The following ENOX1 variants were observed in gnomAD, a reference collection of about 807,000 sequenced individuals.
ENOX1 encodes the protein candidate growth-related and time keeping constitutive hydroquinone (NADH) oxidase.
Under a neutral mutation model 82.5 loss-of-function variants are expected in ENOX1, and 42 were observed. The ratio of observed to expected loss-of-function variants is 0.51; its 90% CI spans 0.40 to 0.66. The LOEUF (loss-of-function observed/expected upper bound fraction) is 0.66. ENOX1 is among the 30% of genes least tolerant of loss of function. The pLI, the probability that ENOX1 is intolerant of heterozygous loss-of-function variation, is 0.00. For missense variants in ENOX1, 608 were observed against 811.6 expected, an observed-to-expected ratio of 0.75 and a Z score of 3.05; for synonymous variants, 271 against 282.2, an observed-to-expected ratio of 0.96 and a Z score of 0.40.
chr13:43,329,035 A>G (rs1169684483), intron 9 of ENOX1, among the ~76,000 whole-genome samples: 1 of 152,260 alleles, frequency 6.6e-6, no homozygotes, highest in Non-Finnish European at 1.5e-5. Context: ...CTAAGTAGAT[A>G]GGTGGCATTA....
chr13:43,408,672 G>GAA (rs2053942559), intron 5 of ENOX1, among the ~76,000 whole-genome samples: 1 of 152,132 alleles, frequency 6.6e-6, no homozygotes, highest in African/African-American at 2.4e-5. Context: ...AAGGGCATCA[G>GAA]ATATGTCATG....
intron 2 of ENOX1, among the ~76,000 whole-genome samples, chr13:43,636,910 G>A (rs1012255790): frequency 9.2e-5 from 14 of 152,152 alleles, no homozygotes; most frequent in African/African-American, 3.4e-4. Flanking sequence ...AGTGCACTAG[G>A]GAAAACAGGA....
chr13:43,366,663 A>G (rs1289112865), intron 5 of ENOX1, among the ~76,000 whole-genome samples: 2 of 152,198 alleles, frequency 1.3e-5, no homozygotes, highest in African/African-American at 4.8e-5. Context: ...ACTGGTCTTC[A>G]TGGTCATCCA....
At chr13:43,711,841 G>T (rs1213618169) in intron 1 of ENOX1, among the ~76,000 whole-genome samples, 1 of 149,686 alleles carries the variant, frequency 6.7e-6, no homozygotes, top group African/African-American at 2.5e-5. Context: ...AGATGAGTAG[G>T]TTGTGAAAAT....
intron 14 of ENOX1, among the ~76,000 whole-genome samples, chr13:43,256,951 T>C (rs141720932): frequency 5.3e-5 from 8 of 152,322 alleles, no homozygotes; most frequent in East Asian, 1.9e-4. Context: ...TATATATATA[T>C]ACACACAATG....
At chr13:43,503,109 T>A (rs2077038837) in intron 2 of ENOX1, among the ~76,000 whole-genome samples, 2 of 151,608 alleles carry the variant, frequency 1.3e-5, no homozygotes, top group Admixed American at 1.3e-4. Flanking sequence ...AACAATCCCA[T>A]GTACAACTGC....
intron 9 of ENOX1, among the ~76,000 whole-genome samples, chr13:43,335,873 C>T (rs2048678196): frequency 6.6e-6 from 1 of 151,822 alleles, no homozygotes; most frequent in Non-Finnish European, 1.5e-5. Context: ...ACATTCTGTG[C>T]TCATCCTTGA....
intron 2 of ENOX1, among the ~76,000 whole-genome samples, chr13:43,603,083 G>A (rs2081799401): frequency 1.3e-5 from 2 of 152,120 alleles, no homozygotes; most frequent in South Asian, 4.1e-4. Flanking sequence ...GAAGATGATG[G>A]AAATCATCCA....
At chr13:43,599,275 C>A (rs1030023338) in intron 2 of ENOX1, among the ~76,000 whole-genome samples, 21 of 152,162 alleles carry the variant, frequency 1.4e-4, no homozygotes, top group African/African-American at 4.8e-4. Context: ...ATATAAAAGA[C>A]AATATTGAAT....
At chr13:43,778,323 C>T (rs1468096973) in intron 1 of ENOX1, among the ~76,000 whole-genome samples, 2 of 152,148 alleles carry the variant, frequency 1.3e-5, no homozygotes, top group Non-Finnish European at 2.9e-5. Context: ...CTCTCTTTAC[C>T]CCTTTATCCC....
chr13:43,497,250 T>C (rs1050257899), intron 2 of ENOX1, among the ~76,000 whole-genome samples: 11 of 152,282 alleles, frequency 7.2e-5, no homozygotes, highest in African/African-American at 2.2e-4. Context: ...CCAATCTATA[T>C]ACTTTTTATT....
intron 16 of ENOX1, among the ~76,000 whole-genome samples, chr13:43,221,415 T>C (rs1450266711): frequency 3.3e-5 from 5 of 152,186 alleles, no homozygotes; most frequent in African/African-American, 7.2e-5. Flanking sequence ...TATGTACTGA[T>C]AGAAACCATT....
At chr13:43,758,962 T>A (rs1950807444) in intron 1 of ENOX1, among the ~76,000 whole-genome samples, 1 of 152,142 alleles carries the variant, frequency 6.6e-6, no homozygotes, top group African/African-American at 2.4e-5. Context: ...CAGACAGCAG[T>A]CTGAGCAAAG....
chr13:43,330,692 C>T (rs1409400911), intron 9 of ENOX1, among the ~76,000 whole-genome samples: 1 of 151,980 alleles, frequency 6.6e-6, no homozygotes, highest in Non-Finnish European at 1.5e-5. Context: ...ACAGTAGAGC[C>T]CCTAGTATAC....
chr13:43,711,874 C>T (rs929815692), intron 1 of ENOX1, among the ~76,000 whole-genome samples: 33 of 147,696 alleles, frequency 2.2e-4, no homozygotes, highest in Admixed American at 4.0e-4. Flanking sequence ...TGTAGGTTGC[C>T]TATTCACTCT....
intron 1 of ENOX1, among the ~76,000 whole-genome samples, chr13:43,706,603 G>A (rs1337587489): frequency 1.3e-5 from 2 of 151,668 alleles, no homozygotes; most frequent in African/African-American, 4.8e-5. Context: ...ATTCAAAACT[G>A]TATCTGATTA....
chr13:43,385,964 G>A (rs758863282), intron 5 of ENOX1, among the ~76,000 whole-genome samples: 7 of 152,258 alleles, frequency 4.6e-5, no homozygotes, highest in African/African-American at 1.2e-4. Flanking sequence ...TCAGGAGTTT[G>A]AGACGAGCCT....
chr13:43,217,821 C>T (rs568676382), intron 16 of ENOX1, among the ~76,000 whole-genome samples: 36 of 152,294 alleles, frequency 2.4e-4, no homozygotes, highest in Non-Finnish European at 4.4e-4. Flanking sequence ...CTAGCTCTAG[C>T]CTTAGGACAA....
chr13:43,260,482 G>A (rs1472094999), intron 14 of ENOX1, among the ~76,000 whole-genome samples: 1 of 152,128 alleles, frequency 6.6e-6, no homozygotes, highest in Non-Finnish European at 1.5e-5. Flanking sequence ...AAAATTCATG[G>A]AAAGCTTTTA....
Sources: gnomAD v4.1 joint callset for allele counts (sites outside exome capture counted in the v4.1 genomes callset) on GRCh38, gnomAD v4.1.1 for gene constraint, MANE v1.5 for transcripts, NCBI Gene and HGNC (gene_info 2026-07-23, HGNC 2026-07-21) for gene names.